CALHM4: variants seen among roughly 807,000 people sequenced by gnomAD.
CALHM4 encodes calcium homeostasis modulator protein 4.
CALHM4 carries 16 observed loss-of-function variants against 13.3 expected under a neutral mutation model. That is an observed-to-expected ratio of 1.20 (90% CI 0.81 to 1.82). CALHM4 has a LOEUF of 1.82. Ranked by LOEUF, CALHM4 falls within the 40% of genes most tolerant of loss-of-function variation. CALHM4 has a pLI of 0.00. For missense variants in CALHM4, 344 were observed against 374.9 expected, an observed-to-expected ratio of 0.92 and a Z score of 0.68; for synonymous variants, 127 against 137.1, an observed-to-expected ratio of 0.93 and a Z score of 0.52.
rs1402509651 is a variant in CALHM4 at position 116,554,146 on chromosome 6, G to T, written c.353G>T (p.Trp118Leu). ...AGGGCAGTTATTGCTCCTTTAACTTGGCTGGCGGTGACCCTGCTGACAGGC... is the reference window on the plus strand; with the variant it reads ...AGGGCAGTTATTGCTCCTTTAACTTTGCTGGCGGTGACCCTGCTGACAGGC... ...TGRAVIAPLT[W>L]LAVTLLTGTY... is the part of the protein sequence containing the mutation. The change falls in exon 1 of 2, where the codon TGG becomes TTG. Residue 118 changes from tryptophan to leucine, a missense_variant. Coordinates refer to ENST00000368596, the MANE Select transcript of CALHM4 (RefSeq NM_001366078.2). The T allele has an allele frequency of 6.5e-7, 1 of 1,550,372 alleles. No individual in the cohort carries two copies. The highest frequency in any genetic ancestry group is 2.0e-5 in the Admixed American group (1 of 50,982).
intron 2 of CALHM4, among the ~76,000 whole-genome samples, chr6:116,546,646 G>T (rs1316923446): frequency 1.3e-5 from 2 of 152,136 alleles, no homozygotes; most frequent in Non-Finnish European, 2.9e-5. Flanking sequence ...TTCCACATTT[G>T]CAAAATGGCA....
Position 116,559,133 on chromosome 6 carries a change from C to T in CALHM4, c.*922C>T, listed in dbSNP as rs890398902. Among the ~76,000 whole-genome samples, 1 of 152,166 alleles carries T rather than the reference C, an allele frequency of 6.6e-6. No homozygotes were observed. The highest frequency in any genetic ancestry group is 1.5e-5 in the Non-Finnish European group (1 of 68,020). ...TAATTCCTGCTTGGTGTTGCTCTGC[C>T]TGGCTTTACTAAATGCAGCCTACAG... On this transcript the variant is annotated 3_prime_UTR_variant, in exon 2 of 2. Transcript: ENST00000368596.
chr6:116,554,152 C>A lies in CALHM4; in HGVS notation c.359C>A (p.Ala120Glu), dbSNP rs759888718. 2.6e-6 allele frequency: 4 copies of A among 1,550,348 alleles called. No individual in the cohort carries two copies. The highest frequency in any genetic ancestry group is 2.4e-5 in the East Asian group (1 of 40,934). ...RAVIAPLTWL[A>E]VTLLTGTYYE... Reference sequence around the variant, plus strand: ...GTTATTGCTCCTTTAACTTGGCTGGCGGTGACCCTGCTGACAGGCACGTAT... The same window carrying A: ...GTTATTGCTCCTTTAACTTGGCTGGAGGTGACCCTGCTGACAGGCACGTAT... The change falls in exon 1 of 2, where the codon GCG (alanine) becomes GAG (glutamate). Residue 120 changes from alanine (A) to glutamate (E), a missense_variant. By Grantham distance (107) the Ala-to-Glu change is moderately radical. Coordinates refer to ENST00000368596, the MANE Select transcript of CALHM4 (RefSeq NM_001366078.2).
chr6:116,538,504 A>T (rs1773231321), intron 1 of CALHM4, among the ~76,000 whole-genome samples: 1 of 152,244 alleles, frequency 6.6e-6, no homozygotes, highest in Non-Finnish European at 1.5e-5. Context: ...CAAAAGATAC[A>T]TATACAAACA....
Position 116,558,253 on chromosome 6 carries a change from G to A in CALHM4, c.*42G>A. ...GAGTCAGGTTGCTTAGCAGATACTT[G>A]GCTTTTATGGCTTTTATGATCAGGC... On this transcript the variant is annotated 3_prime_UTR_variant, in exon 2 of 2. Transcript: ENST00000368596. 6.5e-7 allele frequency: 1 copy of A among 1,533,314 alleles called. No homozygotes were observed. Among genetic ancestry groups the A allele is most frequent in the Non-Finnish European group, 8.8e-7 (1 of 1,142,668 alleles). 95.0% of individuals were successfully genotyped at this position (1,533,314 alleles called of 1,614,324 possible). A position where few individuals can be genotyped will look rare whatever the true frequency, so the allele number is the denominator to read the frequency against.
chr6:116,541,614 C>T (rs1219219197), intron 1 of CALHM4, among the ~76,000 whole-genome samples: 1 of 152,206 alleles, frequency 6.6e-6, no homozygotes, highest in African/African-American at 2.4e-5. Flanking sequence ...AGTTTAGCTT[C>T]CTTGACTTTG....
At chr6:116,543,768 G>C in exon 2 of CALHM4, 1 of 1,458,748 alleles carries the variant, frequency 6.9e-7, no homozygotes, top group South Asian at 1.3e-5. Flanking sequence ...TTTTCAGTTG[G>C]AAGCAAGAAT....
At chr6:116,530,902 C>CATATATATATAT (rs10557481) in intron 1 of CALHM4, among the ~76,000 whole-genome samples, 13 of 76,482 alleles carry the variant, frequency 1.7e-4, no homozygotes, top group Admixed American at 2.7e-4. Flanking sequence ...AAGTGAGACT[C>CATATATATATAT]ATATATATAT....
At chr6:116,545,647 G>T in intron 2 of CALHM4, 1 of 650,974 alleles carries the variant, frequency 1.5e-6, no homozygotes, top group Non-Finnish European at 2.5e-6. Context: ...TGCTGCTTCT[G>T]CACTCTGCTG....
intron 1 of CALHM4, among the ~76,000 whole-genome samples, chr6:116,539,678 A>G (rs777642506): frequency 6.6e-6 from 1 of 152,114 alleles, no homozygotes; most frequent in Admixed American, 6.6e-5. Flanking sequence ...TAACAATATT[A>G]AGGACTAGGA....
Position 116,560,651 on chromosome 6 carries a change from G to GT in CALHM4, c.*2440_*2441insT, listed in dbSNP as rs1554242689. ...AAATAAATGGAATTTTTAGTATTTT[G>GT]GGGGGGGGGGGGGCTATGGTCTATA... On this transcript the variant is annotated 3_prime_UTR_variant, in exon 2 of 2. Coordinates refer to ENST00000368596, the MANE Select transcript of CALHM4 (RefSeq NM_001366078.2). Among the ~76,000 whole-genome samples the GT allele has an allele frequency of 3.3e-4, 2 of 6,054 alleles. No individual in the cohort carries two copies. Among genetic ancestry groups the GT allele is most frequent in the African/African-American group, 1.4e-3 (2 of 1,416 alleles). The allele number at this position is 6,054 out of a possible 152,430, so 4.0% of individuals were successfully genotyped here.
In CALHM4 at chr6:116,558,524, C is replaced by T. The variant is rs1774446711; in HGVS notation, c.*313C>T. On this transcript the variant is annotated 3_prime_UTR_variant, in exon 2 of 2. Coordinates refer to ENST00000368596, the MANE Select transcript of CALHM4 (RefSeq NM_001366078.2). The stretch of plus-strand genomic sequence containing the variant: ...TCTGAGTGCCATTTTGTCATCTGCA[C>T]ATTGTAGCTACCTCCTAGAGCTATT... 1 of 286,614 alleles carries T rather than the reference C, an allele frequency of 3.5e-6. No individual in the cohort carries two copies. The highest frequency in any genetic ancestry group is 6.6e-6 in the Non-Finnish European group (1 of 151,932). 17.8% of individuals were successfully genotyped at this position (286,614 alleles called of 1,614,324 possible).
At chr6:116,537,176 C>T (rs1235961590) in intron 1 of CALHM4, among the ~76,000 whole-genome samples, 2 of 152,194 alleles carry the variant, frequency 1.3e-5, no homozygotes, top group African/African-American at 4.8e-5. Flanking sequence ...GAATATTCTC[C>T]TCATTGACAA....
At chr6:116,549,547 T>G (rs1418488020), upstream of CALHM4, among the ~76,000 whole-genome samples, 2 of 152,072 alleles carry the variant, frequency 1.3e-5, no homozygotes, top group East Asian at 3.9e-4. Flanking sequence ...TCTAGCTGTT[T>G]TGAAATGTAA....
rs1282340556 is a variant in CALHM4, at chr6:116,554,174, G to A, written c.381G>A (p.Thr127=). ...TGGCGGTGACCCTGCTGACAGGCACGTATTATGAATGTGCAGCAAGTGAAT... is the reference window on the plus strand; with the variant it reads ...TGGCGGTGACCCTGCTGACAGGCACATATTATGAATGTGCAGCAAGTGAAT... ...TWLAVTLLTG[T]YYECAASEFA... is the part of the protein sequence containing the mutation. Residue 127 remains threonine (T), a synonymous_variant, in exon 1 of 2, where the codon ACG becomes ACA. Coordinates refer to ENST00000368596, the MANE Select transcript of CALHM4 (RefSeq NM_001366078.2). 5.2e-6 allele frequency: 8 copies of A among 1,550,358 alleles called. No homozygotes were observed. The highest frequency in any genetic ancestry group is 2.4e-5 in the East Asian group (1 of 40,928).
upstream of CALHM4, among the ~76,000 whole-genome samples, chr6:116,552,796 C>G (rs1444972609): frequency 6.6e-6 from 1 of 152,120 alleles, no homozygotes; most frequent in Non-Finnish European, 1.5e-5. Flanking sequence ...AAATATCGGC[C>G]GGGCGAGGTG....
intron 2 of CALHM4, among the ~76,000 whole-genome samples, chr6:116,547,913 G>A (rs1270994731): frequency 6.6e-6 from 1 of 152,226 alleles, no homozygotes; most frequent in Non-Finnish European, 1.5e-5. Context: ...GGTGAATTGA[G>A]CTATGCCCCT....
intron 1 of CALHM4, chr6:116,543,407 A>G (rs4142087): frequency 6.5e-7 from 1 of 1,544,426 alleles, no homozygotes; most frequent in Non-Finnish European, 8.8e-7. Flanking sequence ...TATTCTGGAG[A>G]AAAAGGGGTA....
upstream of CALHM4, among the ~76,000 whole-genome samples, chr6:116,551,637 C>T (rs1261178072): frequency 6.6e-6 from 1 of 151,690 alleles, no homozygotes; most frequent in Non-Finnish European, 1.5e-5. Flanking sequence ...TGGGTTGTTT[C>T]CAGCTTTTGG....
Sources: gnomAD v4.1 joint callset for allele counts (sites outside exome capture counted in the v4.1 genomes callset) on GRCh38, gnomAD v4.1.1 for gene constraint, MANE v1.5 for transcripts, NCBI Gene and HGNC (gene_info 2026-07-23, HGNC 2026-07-21) for gene names.